The following KCNK2 variants were observed in gnomAD, a reference collection of about 807,000 sequenced individuals.
KCNK2 encodes potassium two pore domain channel subfamily K member 2.
Under a neutral mutation model 40.5 loss-of-function variants are expected in KCNK2, and 21 were observed. The ratio of observed to expected loss-of-function variants is 0.52; its 90% CI spans 0.37 to 0.75. KCNK2 has a LOEUF of 0.75. Ranked by LOEUF, KCNK2 falls within the 30% of genes least tolerant of loss-of-function variation. KCNK2 has a pLI of 0.00. For synonymous variants in KCNK2, 191 were observed against 202.2 expected (o/e 0.94, Z 0.47); for missense variants, 399 against 531.6 (o/e 0.75, Z 2.45).
In KCNK2 at chr1:215,119,888, C is replaced by T. The variant is rs183466591; in HGVS notation, c.358-4745C>T. On this transcript the variant is annotated intron_variant, in intron 2 of 6. Transcript: ENST00000444842. ...GGCATTGGAAAAGTACTCTGATGAC[C>T]TGAACTGATGTTGAAATTTCAGAGA... is the stretch of plus-strand genomic sequence containing the variant. Among the ~76,000 whole-genome samples, 7 of 152,280 alleles carry T rather than the reference C, an allele frequency of 4.6e-5. No homozygotes were observed. The East Asian group carries it at 7.7e-4, about 17-fold the overall frequency.
intron 2 of KCNK2, among the ~76,000 whole-genome samples, chr1:215,093,993 C>A (rs1405772347): frequency 4.4e-5 from 6 of 136,432 alleles, no homozygotes; most frequent in African/African-American, 1.7e-4. Context: ...ATGGTTGGTG[C>A]AAATGCGGTT....
chr1:215,162,597 A>T (rs1444384866), intron 3 of KCNK2, among the ~76,000 whole-genome samples: 2 of 152,054 alleles, frequency 1.3e-5, no homozygotes, highest in East Asian at 1.9e-4. Flanking sequence ...TAATTTTTGT[A>T]TAAGGTGTAA....
intron 6 of KCNK2, among the ~76,000 whole-genome samples, chr1:215,195,409 A>C (rs1330076404): frequency 3.3e-5 from 5 of 151,956 alleles, no homozygotes; most frequent in African/African-American, 1.2e-4. Context: ...GCACAAAATA[A>C]ATTTTATTCT....
intron 3 of KCNK2, among the ~76,000 whole-genome samples, chr1:215,145,146 C>T (rs1662359699): frequency 1.3e-5 from 2 of 152,218 alleles, no homozygotes; most frequent in Admixed American, 1.3e-4. Context: ...TGACATCAGA[C>T]CCTTATTCTG....
At chr1:215,099,495 T>A (rs1000681124) in intron 2 of KCNK2, among the ~76,000 whole-genome samples, 1 of 152,004 alleles carries the variant, frequency 6.6e-6, no homozygotes, top group South Asian at 2.1e-4. Context: ...ATTTGTGGAC[T>A]GCTAAGTTAA....
intron 1 of KCNK2, among the ~76,000 whole-genome samples, chr1:215,011,752 C>A (rs189086936): frequency 6.6e-6 from 1 of 152,092 alleles, no homozygotes; most frequent in African/African-American, 2.4e-5. Flanking sequence ...ACTACAGGCG[C>A]GTGCTACCAC....
Position 215,236,594 on chromosome 1 carries a change from C to T in KCNK2, c.*1449C>T, listed in dbSNP as rs896154792. The stretch of plus-strand genomic sequence containing the variant: ...ATATCCTGTAATTCTTTGGATGGTT[C>T]CAAGATTCAGAAAAAATTCAGTAAA... On this transcript the variant is annotated 3_prime_UTR_variant, in exon 7 of 7. Coordinates refer to ENST00000444842, the MANE Select transcript of KCNK2 (RefSeq NM_001017425.3). 1 of 152,068 alleles carries T rather than the reference C, an allele frequency of 6.6e-6. No individual in the cohort carries two copies. Among genetic ancestry groups the T allele is most frequent in the Non-Finnish European group, 1.5e-5 (1 of 67,954 alleles). The allele number at this position is 152,068 out of a possible 1,614,324, so 9.4% of individuals were successfully genotyped here.
At chr1:215,046,587 G>GT (rs897813506) in intron 1 of KCNK2, among the ~76,000 whole-genome samples, 4 of 152,048 alleles carry the variant, frequency 2.6e-5, no homozygotes, top group Admixed American at 2.0e-4. Flanking sequence ...ACAGGTACAG[G>GT]TTTTTTTGGA....
chr1:215,205,803 T>C (rs1342696229), intron 6 of KCNK2, among the ~76,000 whole-genome samples: 1 of 151,786 alleles, frequency 6.6e-6, no homozygotes, highest in Admixed American at 6.6e-5. Context: ...CAATCATTGT[T>C]TGTCTAATTC....
At chr1:215,234,363 A>G (rs1190429631) in intron 6 of KCNK2, among the ~76,000 whole-genome samples, 1 of 152,206 alleles carries the variant, frequency 6.6e-6, no homozygotes, top group Non-Finnish European at 1.5e-5. Flanking sequence ...TGTTTTCAGA[A>G]CTAAACAAGG....
intron 3 of KCNK2, among the ~76,000 whole-genome samples, chr1:215,151,873 T>A (rs191682131): frequency 6.6e-6 from 1 of 152,138 alleles, no homozygotes. Context: ...CTTACCTTAC[T>A]TATTGAACGT....
At chr1:215,171,902 TTCTCTCTCTCTCTCTTTGTCTCTCTCTC>T (rs1663724849) in intron 4 of KCNK2, 67 bp from the exon 5 acceptor site, 2 of 787,772 alleles carry the variant, frequency 2.5e-6, no homozygotes, top group Non-Finnish European at 3.6e-6. Context: ...TACAAGTAAT[TTCTCTCTCTCTCTCTTTGTCTCTCTCTC>T]TCTCTCTCTC....
intron 2 of KCNK2, among the ~76,000 whole-genome samples, chr1:215,113,044 A>G (rs769905630): frequency 1.3e-5 from 2 of 152,228 alleles, no homozygotes; most frequent in Non-Finnish European, 2.9e-5. Flanking sequence ...ATCAGTAAGC[A>G]TAGAATATAC....
chr1:215,146,689 TAA>T (rs1571664088), intron 3 of KCNK2, among the ~76,000 whole-genome samples: 1 of 152,220 alleles, frequency 6.6e-6, no homozygotes, highest in East Asian at 1.9e-4. Context: ...AGAAAAACGC[TAA>T]GTTTGAGGAC....
At chr1:215,178,090 T>C (rs1481236812) in intron 5 of KCNK2, among the ~76,000 whole-genome samples, 1 of 152,092 alleles carries the variant, frequency 6.6e-6, no homozygotes, top group Non-Finnish European at 1.5e-5. Flanking sequence ...ATCCTTCACT[T>C]CCTTGGCTAG....
At chr1:215,005,998 A>T (rs1233522609) in intron 1 of KCNK2, 3 of 1,530,484 alleles carry the variant, frequency 2.0e-6, no homozygotes, top group Non-Finnish European at 2.7e-6. Flanking sequence ...TTGTTTTCAA[A>T]TTTTCTAGAG....
intron 1 of KCNK2, 23 bp from the exon 2 acceptor site, chr1:215,086,345 C>A (rs777126412): frequency 1.3e-6 from 2 of 1,598,490 alleles, no homozygotes; most frequent in Admixed American, 3.3e-5. Flanking sequence ...TCCAACCTAA[C>A]CCTCATTCTC....
chr1:215,071,167 C>T (rs10779637), intron 1 of KCNK2, among the ~76,000 whole-genome samples: 35,673 of 152,052 alleles, frequency 0.23, 5,688 homozygotes, highest in African/African-American at 0.46. Context: ...TGTTTTGACA[C>T]TCCATAAATA....
chr1:215,057,707 G>T (rs894642416), intron 1 of KCNK2, among the ~76,000 whole-genome samples: 5 of 152,150 alleles, frequency 3.3e-5, no homozygotes, highest in Admixed American at 1.3e-4. Flanking sequence ...AAAGGGCAGT[G>T]CAGGAAGGAG....
Sources: gnomAD v4.1 joint callset for allele counts (sites outside exome capture counted in the v4.1 genomes callset) on GRCh38, gnomAD v4.1.1 for gene constraint, MANE v1.5 for transcripts, NCBI Gene and HGNC (gene_info 2026-07-23, HGNC 2026-07-21) for gene names.